The following SULT6B1 variants were observed in gnomAD, a reference collection of about 807,000 sequenced individuals.
SULT6B1 encodes the protein sulfotransferase family 6B member 1, also known as sulfotransferase 6B1.
A neutral mutation model predicts 37.2 loss-of-function variants in SULT6B1; 44 were observed. The observed-to-expected ratio is 1.18, with a 90% CI of 0.93 to 1.52. The LOEUF is 1.52. SULT6B1 is among the 40% of genes most tolerant of loss of function. The pLI is 0.00. For missense variants in SULT6B1, 450 were observed against 361.0 expected (o/e 1.25, Z -2.00); for synonymous variants, 140 against 126.0 (o/e 1.11, Z -0.74).
intron 5 of SULT6B1, among the ~76,000 whole-genome samples, chr2:37,172,655 G>A (rs1489856661): frequency 6.6e-6 from 1 of 151,550 alleles, no homozygotes; most frequent in Non-Finnish European, 1.5e-5. Context: ...TTAGAGGTGT[G>A]TGCCACCACG....
At chr2:37,180,175 G>C (rs569566362) in intron 3 of SULT6B1, among the ~76,000 whole-genome samples, 30 of 152,158 alleles carry the variant, frequency 2.0e-4, no homozygotes, top group Non-Finnish European at 3.4e-4. Context: ...CGTCTGCTCT[G>C]AGTTCAGCCT....
chr2:37,185,324 A>G (rs1157733213), intron 2 of SULT6B1, among the ~76,000 whole-genome samples: 2 of 152,224 alleles, frequency 1.3e-5, no homozygotes, highest in Non-Finnish European at 2.9e-5. Context: ...AGCAAAGACT[A>G]GATACCTTAT....
chr2:37,190,897 TG>T (rs763097535), upstream of SULT6B1, among the ~76,000 whole-genome samples: 9 of 152,112 alleles, frequency 5.9e-5, no homozygotes, highest in Non-Finnish European at 1.2e-4. Context: ...ATTCTGTAGT[TG>T]GGGCTCTGCA....
intron 2 of SULT6B1, among the ~76,000 whole-genome samples, chr2:37,186,211 C>G (rs1354680359): frequency 6.6e-6 from 1 of 152,194 alleles, no homozygotes; most frequent in East Asian, 1.9e-4. Context: ...GCTGAGTTCT[C>G]TCTGCCTGTT....
chr2:37,183,088 A>C (rs11897442), intron 3 of SULT6B1, among the ~76,000 whole-genome samples: 25,689 of 152,198 alleles, frequency 0.17, 2,336 homozygotes, highest in South Asian at 0.26. Flanking sequence ...CCAGAAAGAA[A>C]GGAACAATTT....
chr2:37,178,294 G>A (rs192619156), intron 4 of SULT6B1, among the ~76,000 whole-genome samples: 227 of 152,162 alleles, frequency 1.5e-3, no homozygotes, highest in Admixed American at 3.6e-3. Context: ...CTGGAGTGCA[G>A]TTGATCAATC....
In SULT6B1 at chr2:37,171,594, T is replaced by C; in HGVS notation, c.625-4A>G. On this transcript the variant is annotated splice_region_variant and splice_polypyrimidine_tract_variant and intron_variant, in intron 5 of 6. Transcript: ENST00000535679. ...GTTTTATTCCAGCAGCCAGATTCTG[T>C]AAAAAAATTTTCTTAAAGATAAATT... 1.2e-6 allele frequency: 2 copies of C among 1,607,410 alleles called. No homozygotes were observed. The highest frequency in any genetic ancestry group is 1.7e-6 in the Non-Finnish European group (2 of 1,177,964).
chr2:37,175,109 TA>T, intron 5 of SULT6B1, 22 bp downstream of exon 5: 1 of 1,463,710 alleles, frequency 6.8e-7, no homozygotes, highest in Non-Finnish European at 9.2e-7. Flanking sequence ...AATTTTGCTC[TA>T]AAATATCAAT....
chr2:37,175,554 CAG>C (rs1676407295), intron 4 of SULT6B1, among the ~76,000 whole-genome samples: 1 of 152,048 alleles, frequency 6.6e-6, no homozygotes, highest in African/African-American at 2.4e-5. Flanking sequence ...TGAAATCCGA[CAG>C]AGACAATGCC....
Position 37,171,464 on chromosome 2 carries a change from C to T in SULT6B1, c.751G>A (p.Gly251Ser), listed in dbSNP as rs142615527. ...AMRAKSQDTH[G>S]AVGPFLFRKG... is the part of the protein sequence containing the mutation. Reference sequence around the variant, plus strand: ...CGGAAAAGGAATGGGCCGACAGCACCGTGTGTGTCCTGAGACTTCGCACGC... The same window carrying T: ...CGGAAAAGGAATGGGCCGACAGCACTGTGTGTGTCCTGAGACTTCGCACGC... The change falls in exon 6 of 7, where the codon GGT becomes AGT. Residue 251 changes from glycine to serine, a missense_variant. Physicochemically the swap from Gly to Ser is moderately conservative, Grantham distance 56. Transcript: ENST00000535679. 1.2e-6 allele frequency: 2 copies of T among 1,613,804 alleles called. No individual in the cohort carries two copies. Among genetic ancestry groups the T allele is most frequent in the African/African-American group, 1.3e-5 (1 of 74,916 alleles).
At chr2:37,176,507 G>T (rs1026237977) in intron 4 of SULT6B1, among the ~76,000 whole-genome samples, 5 of 151,984 alleles carry the variant, frequency 3.3e-5, no homozygotes, top group Admixed American at 3.3e-4. Flanking sequence ...TGATCCGCCC[G>T]CCTCGGCCAC....
chr2:37,183,423 AC>A lies in SULT6B1; in HGVS notation c.402+1del, dbSNP rs769697480. On this transcript the variant is annotated splice_donor_variant, in intron 3 of 6. Transcript: ENST00000535679. LOFTEE classifies it high-confidence loss of function. ...GAATTATCAGTAGGAAAGGACACTC[AC>A]CTTGGCTTTATTCTCGAAGATAGAC... is the stretch of plus-strand genomic sequence containing the variant. 2.9e-5 allele frequency: 47 copies of A among 1,612,550 alleles called. No individual in the cohort carries two copies. Among genetic ancestry groups the A allele is most frequent in the Admixed American group, 5.0e-5 (3 of 59,978 alleles).
chr2:37,171,112 G>A (rs1193914687), intron 6 of SULT6B1, among the ~76,000 whole-genome samples: 4 of 152,042 alleles, frequency 2.6e-5, no homozygotes, highest in African/African-American at 9.7e-5. Context: ...GGTGGCACGC[G>A]CCTGTTAGTC....
upstream of SULT6B1, among the ~76,000 whole-genome samples, chr2:37,190,426 T>G (rs1233227705): frequency 6.6e-6 from 1 of 152,182 alleles, no homozygotes; most frequent in East Asian, 1.9e-4. Flanking sequence ...GTTAAAAGGG[T>G]AGCTAACATT....
chr2:37,175,326 AT>A, intron 4 of SULT6B1, 100 bp from the exon 5 acceptor site: 2 of 496,350 alleles, frequency 4.0e-6, no homozygotes, highest in Non-Finnish European at 6.8e-6. Flanking sequence ...ATATGTGTAT[AT>A]GCTCGAGATA....
chr2:37,175,749 AAAC>A (rs1676410611), intron 4 of SULT6B1, among the ~76,000 whole-genome samples: 1 of 152,234 alleles, frequency 6.6e-6, no homozygotes, highest in Non-Finnish European at 1.5e-5. Context: ...AATTTGAGTG[AAAC>A]ATTACATTAT....
chr2:37,171,721 G>C, intron 5 of SULT6B1, 131 bp from the exon 6 acceptor site: 3 of 734,464 alleles, frequency 4.1e-6, no homozygotes, highest in East Asian at 2.7e-5. Flanking sequence ...TTTAAACTTA[G>C]AGTACTTTCA....
intron 5 of SULT6B1, among the ~76,000 whole-genome samples, chr2:37,173,027 A>G (rs1293480937): frequency 6.6e-6 from 1 of 150,432 alleles, no homozygotes; most frequent in Non-Finnish European, 1.5e-5. Flanking sequence ...TAATTTTTGT[A>G]TTTTTAGTAG....
chr2:37,182,253 AT>A (rs56665951), intron 3 of SULT6B1, among the ~76,000 whole-genome samples: 53,674 of 136,906 alleles, frequency 0.39, 9,507 homozygotes, highest in African/African-American at 0.44. Context: ...CAGAAGTTAA[AT>A]TTTTTTTTTT....
Sources: gnomAD v4.1 joint callset for allele counts (sites outside exome capture counted in the v4.1 genomes callset) on GRCh38, gnomAD v4.1.1 for gene constraint, MANE v1.5 for transcripts, NCBI Gene and HGNC (gene_info 2026-07-23, HGNC 2026-07-21) for gene names.